SNTG2: variants seen among roughly 807,000 people sequenced by gnomAD.
The protein encoded by SNTG2 is gamma-2-syntrophin.
A neutral mutation model predicts 70.9 loss-of-function variants in SNTG2; 74 were observed. The ratio of observed to expected loss-of-function variants is 1.04; its 90% CI spans 0.86 to 1.27. The LOEUF (loss-of-function observed/expected upper bound fraction) is 1.27, where lower values mean the gene tolerates loss of function less well. Ranked by LOEUF, SNTG2 falls within the 50% of genes most tolerant of loss-of-function variation. SNTG2 has a pLI of 0.00. For missense variants in SNTG2, 717 were observed against 690.7 expected (o/e 1.04, Z -0.43); for synonymous variants, 278 against 273.8 (o/e 1.02, Z -0.15).
chr2:1,221,427 G>C, intron 9 of SNTG2, among the ~76,000 whole-genome samples: 1 of 141,124 alleles, frequency 7.1e-6, no homozygotes, highest in Admixed American at 7.0e-5. Flanking sequence ...TTTTGTCTCT[G>C]TCTCTCTCTG....
At chr2:1,245,636 T>C (rs1402372908) in intron 11 of SNTG2, among the ~76,000 whole-genome samples, 1 of 152,216 alleles carries the variant, frequency 6.6e-6, no homozygotes, top group African/African-American at 2.4e-5. Context: ...ATGGAGGCTT[T>C]TATGATTTAC....
chr2:1,210,600 G>C (rs1489533781), intron 9 of SNTG2: 1 of 152,146 alleles, frequency 6.6e-6, no homozygotes, highest in Non-Finnish European at 1.5e-5. Flanking sequence ...AAACAGTAAT[G>C]TCCTGGACCT....
chr2:1,051,157 T>TCCCCCTTTTTTCCTCCCTCC (rs1662040752), intron 1 of SNTG2, among the ~76,000 whole-genome samples: 1 of 99,996 alleles, frequency 1.0e-5, no homozygotes, highest in African/African-American at 3.5e-5. Flanking sequence ...TCCCTCCCTC[T>TCCCCCTTTTTTCCTCCCTCC]CCCCCTTTCT....
intron 4 of SNTG2, among the ~76,000 whole-genome samples, chr2:1,115,308 T>G (rs1172547361): frequency 6.6e-6 from 1 of 152,114 alleles, no homozygotes; most frequent in Non-Finnish European, 1.5e-5. Flanking sequence ...TAAGTGAGTT[T>G]TAACCCTTAC....
chr2:1,268,795 C>T (rs1461153957), intron 14 of SNTG2, among the ~76,000 whole-genome samples: 1 of 152,224 alleles, frequency 6.6e-6, no homozygotes, highest in African/African-American at 2.4e-5. Flanking sequence ...AAGAGCGTTT[C>T]TGGGACAAGG....
chr2:1,333,965 T>C (rs1002062992), intron 16 of SNTG2, among the ~76,000 whole-genome samples: 2 of 151,906 alleles, frequency 1.3e-5, no homozygotes, highest in African/African-American at 4.8e-5. Flanking sequence ...ACTAAAAAGC[T>C]CCTGCACAGC....
chr2:1,207,763 G>T (rs538390114), intron 8 of SNTG2, among the ~76,000 whole-genome samples: 5 of 152,142 alleles, frequency 3.3e-5, no homozygotes, highest in Non-Finnish European at 7.3e-5. Flanking sequence ...TCCTCTCACC[G>T]CAAACCAACC....
chr2:1,005,783 G>A (rs1209401202), intron 1 of SNTG2, among the ~76,000 whole-genome samples: 6 of 136,862 alleles, frequency 4.4e-5, no homozygotes, highest in Admixed American at 2.9e-4. Context: ...CAGCCTGGGC[G>A]ACAGAGCAAG....
intron 4 of SNTG2, among the ~76,000 whole-genome samples, chr2:1,104,799 G>A (rs1666007127): frequency 6.6e-6 from 1 of 152,166 alleles, no homozygotes; most frequent in Non-Finnish European, 1.5e-5. Flanking sequence ...TGTTTGCTGT[G>A]GTTTTCTCCC....
At chr2:1,038,665 CTG>C (rs566305941) in intron 1 of SNTG2, among the ~76,000 whole-genome samples, 96 of 152,302 alleles carry the variant, frequency 6.3e-4, no homozygotes, top group African/African-American at 2.1e-3. Context: ...AAAATAGTAA[CTG>C]TAATTGTTTT....
At chr2:1,341,218 T>G (rs564022863) in intron 16 of SNTG2, 2 of 152,324 alleles carry the variant, frequency 1.3e-5, no homozygotes, top group African/African-American at 4.8e-5. Flanking sequence ...AACTCTGTGC[T>G]TTCTGTACAC....
chr2:1,078,599 G>A (rs908268811), intron 1 of SNTG2, among the ~76,000 whole-genome samples: 15 of 152,184 alleles, frequency 9.9e-5, no homozygotes, highest in African/African-American at 3.1e-4. Context: ...GGGCATCACC[G>A]GACACTGGCT....
At chr2:1,240,896 T>C (rs1459943043) in intron 11 of SNTG2, among the ~76,000 whole-genome samples, 3 of 152,242 alleles carry the variant, frequency 2.0e-5, no homozygotes, top group African/African-American at 7.2e-5. Context: ...TTCAAATTAA[T>C]ATAGGATTCA....
intron 1 of SNTG2, among the ~76,000 whole-genome samples, chr2:1,005,018 A>G (rs1320063315): frequency 6.6e-6 from 1 of 152,208 alleles, no homozygotes; most frequent in Non-Finnish European, 1.5e-5. Flanking sequence ...AAAGAAATGA[A>G]CTATCAAGCC....
chr2:1,306,455 G>T (rs147554306), intron 14 of SNTG2, among the ~76,000 whole-genome samples: 3 of 152,320 alleles, frequency 2.0e-5, no homozygotes, highest in Non-Finnish European at 4.4e-5. Flanking sequence ...CACGCATTCA[G>T]CTATCCAGGA....
chr2:1,173,624 T>G (rs1671272826), intron 8 of SNTG2, among the ~76,000 whole-genome samples: 1 of 152,270 alleles, frequency 6.6e-6, no homozygotes, highest in East Asian at 1.9e-4. Flanking sequence ...AAACCAGACT[T>G]GAGCAAAAAG....
intron 1 of SNTG2, among the ~76,000 whole-genome samples, chr2:964,810 G>A (rs1419804289): frequency 1.3e-5 from 2 of 152,194 alleles, no homozygotes; most frequent in African/African-American, 4.8e-5. Flanking sequence ...TCCACTGCGT[G>A]TGACACTCGG....
intron 1 of SNTG2, among the ~76,000 whole-genome samples, chr2:1,057,755 G>A (rs942249945): frequency 1.3e-5 from 2 of 152,128 alleles, no homozygotes; most frequent in African/African-American, 4.8e-5. Context: ...ACCATCACAA[G>A]TGGCAAAATA....
chr2:1,083,520 G>A lies in SNTG2; in HGVS notation c.75G>A (p.Thr25=), dbSNP rs758466394. 8.7e-6 allele frequency: 14 copies of A among 1,613,400 alleles called. No individual in the cohort carries two copies. The highest frequency in any genetic ancestry group is 1.7e-5 in the Admixed American group (1 of 59,956). The stretch of plus-strand genomic sequence containing the variant: ...GTGTTTCCACTTTGTCCCTACAGAC[G>A]AAAACCACTATTGCTCTGTTGTATG... The part of the protein sequence containing the change: ...RQGCLLVPAR[T]KTTIALLYDE... Residue 25 remains threonine, a splice_region_variant and synonymous_variant, in exon 2 of 17, where the codon ACG becomes ACA. Coordinates refer to ENST00000308624, the MANE Select transcript of SNTG2 (RefSeq NM_018968.4).
Sources: allele counts gnomAD v4.1 joint callset (sites outside exome capture counted in the v4.1 genomes callset), GRCh38; gene constraint gnomAD v4.1.1; transcripts MANE v1.5; gene names NCBI Gene and HGNC (gene_info 2026-07-23, HGNC 2026-07-21).